Variants in FDXR observed in about 807,000 individuals in gnomAD.
FDXR encodes ferredoxin reductase.
In FDXR, 38 loss-of-function variants were observed where a neutral mutation model predicts 58.3. The ratio of observed to expected loss-of-function variants is 0.65; its 90% CI spans 0.50 to 0.85. The LOEUF (loss-of-function observed/expected upper bound fraction) is 0.85. Ranked by LOEUF, FDXR falls within the 40% of genes least tolerant of loss-of-function variation. The pLI is 0.00. For missense variants in FDXR, 624 were observed against 671.0 expected (o/e 0.93, Z 0.77); for synonymous variants, 275 against 273.8 (o/e 1.00, Z -0.04).
chr17:74,867,694 C>T (rs890841043), intron 2 of FDXR, among the ~76,000 whole-genome samples: 2 of 152,300 alleles, frequency 1.3e-5, no homozygotes, highest in African/African-American at 2.4e-5. Context: ...TCTGCATGAC[C>T]GCCTTCCCAG....
intron 2 of FDXR, among the ~76,000 whole-genome samples, chr17:74,867,744 G>C (rs1390440669): frequency 6.6e-6 from 1 of 152,134 alleles, no homozygotes; most frequent in Non-Finnish European, 1.5e-5. Flanking sequence ...AGGGTCGGGG[G>C]TCCAGCAGGC....
chr17:74,865,040 T>C (rs1277180483), intron 6 of FDXR, 109 bp from the exon 7 acceptor site: 6 of 1,509,946 alleles, frequency 4.0e-6, no homozygotes, highest in African/African-American at 1.4e-5. Context: ...CGGCTCAAAA[T>C]TGCGCCACTG....
At chr17:74,871,893 C>T in intron 2 of FDXR, 143 bp downstream of exon 2, 1 of 570,320 alleles carries the variant, frequency 1.8e-6, no homozygotes, top group Non-Finnish European at 3.0e-6. Flanking sequence ...GGTGAGGAAG[C>T]AAGTGGGAAG....
Position 74,866,884 on chromosome 17 carries a change from G to A in FDXR, c.178-8C>T, listed in dbSNP as rs1163489574. The A allele has an allele frequency of 7.4e-6, 12 of 1,612,984 alleles. No homozygotes were observed. The highest frequency in any genetic ancestry group is 2.2e-5 in the South Asian group (2 of 90,840). On this transcript the variant is annotated splice_region_variant and splice_polypyrimidine_tract_variant and intron_variant, in intron 2 of 11. Coordinates refer to ENST00000293195, the MANE Select transcript of FDXR (RefSeq NM_024417.5). Reference sequence around the variant, plus strand: ...CACGTGGGCCTGGGGGTGCTGCTGGGGAACAGGGTGGCAGCTGGTGGGGCC... The same window carrying A: ...CACGTGGGCCTGGGGGTGCTGCTGGAGAACAGGGTGGCAGCTGGTGGGGCC...
At chr17:74,871,242 C>T (rs1211128587) in intron 2 of FDXR, among the ~76,000 whole-genome samples, 1 of 152,236 alleles carries the variant, frequency 6.6e-6, no homozygotes, top group Non-Finnish European at 1.5e-5. Flanking sequence ...ATCCCAGTTT[C>T]CCAAGAACTT....
In FDXR at chr17:74,864,033, C is replaced by T; in HGVS notation, c.1037G>A (p.Gly346Glu). The T allele has an allele frequency of 6.2e-7, 1 of 1,614,026 alleles. No individual in the cohort carries two copies. ...CCCACAAGGGAGGTCTTCCATGTCTCCCGTGGGCACTGCACGGGTGGCCTC... is the reference window on the plus strand; with the variant it reads ...CCCACAAGGGAGGTCTTCCATGTCTTCCGTGGGCACTGCACGGGTGGCCTC... ...VDEATRAVPT[G>E]DMEDLPCGLV... is the part of the protein sequence containing the mutation. The change falls in exon 10 of 12, where the codon GGA (glycine) becomes GAA (glutamate). Residue 346 changes from glycine to glutamate, a missense_variant. Physicochemically the swap from Gly to Glu is moderately conservative, Grantham distance 98. Coordinates refer to ENST00000293195, the MANE Select transcript of FDXR (RefSeq NM_024417.5).
chr17:74,868,514 G>T, intron 2 of FDXR: 1 of 1,428,838 alleles, frequency 7.0e-7, no homozygotes, highest in Non-Finnish European at 9.5e-7. Context: ...CAAACTGCTC[G>T]GCCTAGAGGT....
chr17:74,869,734 C>T (rs926671826), intron 2 of FDXR, among the ~76,000 whole-genome samples: 2 of 152,178 alleles, frequency 1.3e-5, no homozygotes, highest in Non-Finnish European at 2.9e-5. Context: ...CCTCCACATT[C>T]GAATGTCAGG....
At chr17:74,870,108 G>A (rs2038321687) in intron 2 of FDXR, 1 of 379,126 alleles carries the variant, frequency 2.6e-6, no homozygotes, top group South Asian at 1.8e-5. Context: ...GCTCCCTGTG[G>A]GCAAAGATCA....
At position 74,864,576 on chromosome 17, in the gene FDXR, G is replaced by C. The variant is rs750702385; in HGVS notation, c.718-12C>G. On this transcript the variant is annotated splice_polypyrimidine_tract_variant and intron_variant, in intron 7 of 11. Transcript: ENST00000293195. Reference sequence around the variant, plus strand: ...ATCTCCCGAAGCTCCTTGAAGGTGGGAGCAGGGAATGGGGGAGGAGGTCAG... The same window carrying C: ...ATCTCCCGAAGCTCCTTGAAGGTGGCAGCAGGGAATGGGGGAGGAGGTCAG... The C allele has an allele frequency of 2.5e-6, 4 of 1,612,508 alleles. No homozygotes were observed. The highest frequency in any genetic ancestry group is 3.4e-6 in the Non-Finnish European group (4 of 1,178,912).
At chr17:74,865,035 C>G (rs746030706) in intron 6 of FDXR, 104 bp from the exon 7 acceptor site, 8 of 1,543,876 alleles carry the variant, frequency 5.2e-6, no homozygotes, top group African/African-American at 1.4e-5. Context: ...GCTGGCGGCT[C>G]AAAATTGCGC....
intron 2 of FDXR, chr17:74,868,834 TTGC>T: frequency 1.6e-6 from 2 of 1,261,120 alleles, no homozygotes; most frequent in East Asian, 2.6e-5. Flanking sequence ...TCCCCTGAAC[TTGC>T]TGATGACTTT....
chr17:74,865,961 C>A, intron 5 of FDXR, 141 bp from the exon 6 acceptor site: 1 of 860,500 alleles, frequency 1.2e-6, no homozygotes, highest in East Asian at 2.6e-5. Context: ...GTCCCTCCTC[C>A]CCCACCTGGA....
At position 74,866,577 on chromosome 17, in the gene FDXR, TC is replaced by T. The variant is rs1598525165; in HGVS notation, c.271-10del. 1 of 1,613,350 alleles carries T rather than the reference TC, an allele frequency of 6.2e-7. No homozygotes were observed. The highest frequency in any genetic ancestry group is 8.5e-7 in the Non-Finnish European group (1 of 1,179,986). On this transcript the variant is annotated splice_polypyrimidine_tract_variant and intron_variant, in intron 3 of 11. Coordinates refer to ENST00000293195, the MANE Select transcript of FDXR (RefSeq NM_024417.5). ...AATGTGTTGATGACATTCTGCCAGG[TC>T]CCCCGGGAATGGGAGGGGTTAGAGG...
At position 74,864,972 on chromosome 17, in the gene FDXR, C is replaced by T. The variant is rs370448217; in HGVS notation, c.610-41G>A. 5.8e-5 allele frequency: 93 copies of T among 1,613,790 alleles called. No homozygotes were observed. The African/African-American group carries it at 9.6e-4, about 17-fold the overall frequency. The stretch of plus-strand genomic sequence containing the variant: ...GGCCTTGGAGTCATCAGACACTGAC[C>T]GAGGAAAGGGGACTCTCCATTTGGT... On this transcript the variant is annotated intron_variant, in intron 6 of 11. Transcript: ENST00000293195.
rs1347979528 is a variant in FDXR, at chr17:74,869,920, G to A, written c.177+2116C>T. 4 of 446,700 alleles carry A rather than the reference G, an allele frequency of 9.0e-6. No homozygotes were observed. The Admixed American group carries it at 9.4e-5, about 11-fold the overall frequency. The allele number at this position is 446,700 out of a possible 1,614,324, so 27.7% of individuals were successfully genotyped here. On this transcript the variant is annotated intron_variant, in intron 2 of 11. Coordinates refer to ENST00000293195, the MANE Select transcript of FDXR (RefSeq NM_024417.5). The stretch of plus-strand genomic sequence containing the variant: ...ATCCCTGCTCCACGGTGGAAGCTTG[G>A]ACAACCTCACTTGGCCCTAGCATCC...
rs1468418876 is a variant in FDXR at position 74,872,016 on chromosome 17, A to G, written c.177+20T>C. On this transcript the variant is annotated intron_variant, in intron 2 of 11. Coordinates refer to ENST00000293195, the MANE Select transcript of FDXR (RefSeq NM_024417.5). ...GACTGGAGCAGCAGGTGAATGATGGACTATGAGTAAGTGGCTTACCTTTAG... is the reference window on the plus strand; with the variant it reads ...GACTGGAGCAGCAGGTGAATGATGGGCTATGAGTAAGTGGCTTACCTTTAG... 2 of 1,545,518 alleles carry G rather than the reference A, an allele frequency of 1.3e-6. No individual in the cohort carries two copies. The highest frequency in any genetic ancestry group is 1.4e-5 in the African/African-American group (1 of 72,410).
rs372052799 is a variant in FDXR, at chr17:74,864,266, C to A, written c.884G>T (p.Arg295Leu). ...TEKPGPAEAA[R>L]QASASRAWGL... ...CCAGGCACGGGAGGCCGATGCCTGG[C>A]GGGCAGCTTCCGCCGGCCCTGGCTT... Residue 295 changes from arginine (R) to leucine (L), a missense_variant, in exon 9 of 12, where the codon CGC (arginine) becomes CTC (leucine). Arg to Leu is a moderately radical substitution (Grantham distance 102). Transcript: ENST00000293195. The A allele has an allele frequency of 1.8e-5, 28 of 1,596,986 alleles. No homozygotes were observed. Among genetic ancestry groups the A allele is most frequent in the Middle Eastern group, 1.7e-4 (1 of 6,018 alleles).
At chr17:74,872,005 G>T (rs751279967) in intron 2 of FDXR, 31 bp downstream of exon 2, 22 of 1,501,750 alleles carry the variant, frequency 1.5e-5, no homozygotes, top group Non-Finnish European at 9.0e-6. Context: ...GGAGCAGCAG[G>T]TGAATGATGG....
Sources: gnomAD v4.1 joint callset for allele counts (sites outside exome capture counted in the v4.1 genomes callset) on GRCh38, gnomAD v4.1.1 for gene constraint, MANE v1.5 for transcripts, NCBI Gene and HGNC (gene_info 2026-07-23, HGNC 2026-07-21) for gene names.